The following GRAMD1A variants were observed in gnomAD, a reference collection of about 807,000 sequenced individuals.
GRAMD1A encodes the protein GRAM domain containing 1A, also known as protein Aster-A.
GRAMD1A carries 50 observed loss-of-function variants against 92.0 expected under a neutral mutation model. The ratio of observed to expected loss-of-function variants is 0.54; its 90% CI spans 0.43 to 0.69. The LOEUF is 0.69. GRAMD1A is among the 30% of genes least tolerant of loss of function. The pLI, the probability that GRAMD1A is intolerant of heterozygous loss-of-function variation, is 0.00. For synonymous variants in GRAMD1A, 405 were observed against 403.6 expected (o/e 1.00, Z -0.04); for missense variants, 819 against 978.9 (o/e 0.84, Z 2.18).
At chr19:35,018,297 G>T (rs1186734372) in intron 11 of GRAMD1A, among the ~76,000 whole-genome samples, 1 of 152,106 alleles carries the variant, frequency 6.6e-6, no homozygotes, top group Non-Finnish European at 1.5e-5. Flanking sequence ...GTGCCCGGCT[G>T]CCTCAGGGAG....
intron 1 of GRAMD1A, among the ~76,000 whole-genome samples, chr19:35,005,615 C>T (rs904336304): frequency 2.0e-5 from 3 of 152,086 alleles, no homozygotes; most frequent in Admixed American, 6.5e-5. Flanking sequence ...AGGGGAAAAG[C>T]AGTGGCCTGG....
At chr19:35,009,374 T>C (rs1047113655) in intron 2 of GRAMD1A, 45 bp downstream of exon 2, 34 of 1,613,878 alleles carry the variant, frequency 2.1e-5, no homozygotes, top group South Asian at 4.4e-5. Context: ...TAGTGGGGGC[T>C]GGCCGGTGAT....
chr19:35,026,171 A>G lies in GRAMD1A; in HGVS notation c.*30A>G, dbSNP rs2016422979. The G allele has an allele frequency of 1.3e-5, 14 of 1,053,998 alleles. No homozygotes were observed. Among genetic ancestry groups the G allele is most frequent in the Non-Finnish European group, 1.8e-5 (12 of 670,972 alleles). 65.3% of individuals were successfully genotyped at this position (1,053,998 alleles called of 1,614,324 possible). On this transcript the variant is annotated 3_prime_UTR_variant, in exon 20 of 20. Coordinates refer to ENST00000317991, the MANE Select transcript of GRAMD1A (RefSeq NM_020895.5). Reference sequence around the variant, plus strand: ...CCCGGCCACGCAGCTGTTCCCCCACATGGACAGATGGACACACAGAGCCTC... The same window carrying G: ...CCCGGCCACGCAGCTGTTCCCCCACGTGGACAGATGGACACACAGAGCCTC...
intron 7 of GRAMD1A, among the ~76,000 whole-genome samples, chr19:35,011,803 T>C (rs1486539858): frequency 2.0e-5 from 3 of 152,324 alleles, no homozygotes; most frequent in South Asian, 2.1e-4. Context: ...CTGAAGGACA[T>C]CCAGGTTCCA....
In GRAMD1A at chr19:35,023,344, G is replaced by A. The variant is rs1462829283; in HGVS notation, c.1961+1G>A. ...GGCACAGCCTGGCCCTGGCCAAGGG[G>A]TGAGTGGGTAGCCTGGGGAAATGGG... is the stretch of plus-strand genomic sequence containing the variant. On this transcript the variant is annotated splice_donor_variant, in intron 18 of 19. Coordinates refer to ENST00000317991, the MANE Select transcript of GRAMD1A (RefSeq NM_020895.5). LOFTEE classifies it high-confidence loss of function. The A allele has an allele frequency of 6.2e-7, 1 of 1,614,058 alleles. No homozygotes were observed. Among genetic ancestry groups the A allele is most frequent in the East Asian group, 2.2e-5 (1 of 44,886 alleles).
Position 35,014,637 on chromosome 19 carries a change from C to T in GRAMD1A, c.1069+250C>T, listed in dbSNP as rs928847386. 5.6e-5 allele frequency: 31 copies of T among 554,788 alleles called. 1 individual carries two copies. Among genetic ancestry groups the T allele is most frequent in the South Asian group, 2.6e-4 (12 of 46,898 alleles). The allele number at this position is 554,788 out of a possible 1,614,324, so 34.4% of individuals were successfully genotyped here. ...GTCACACCACTTCCTGACCATGTCA[C>T]GTGGGCAAATTATGTAACTTCTCTG... On this transcript the variant is annotated intron_variant, in intron 10 of 19. Coordinates refer to ENST00000317991, the MANE Select transcript of GRAMD1A (RefSeq NM_020895.5).
At chr19:34,996,408 G>A (rs2151691842), upstream of GRAMD1A, 1 of 798,242 alleles carries the variant, frequency 1.3e-6, no homozygotes. Context: ...CCCACAGAGG[G>A]CTGACTCAAA....
chr19:35,019,496 T>C lies in GRAMD1A; in HGVS notation c.1438T>C (p.Cys480Arg), dbSNP rs2015891164. Residue 480 changes from cysteine (C) to arginine (R), a missense_variant, in exon 13 of 20, where the codon TGC becomes CGC. Physicochemically the swap from Cys to Arg is radical, Grantham distance 180. Around this residue, in one of 3 missense-constraint regions of GRAMD1A, gnomAD observed 577 missense variants for 674.6 expected, o/e 0.86. Coordinates refer to ENST00000317991, the MANE Select transcript of GRAMD1A (RefSeq NM_020895.5). ...CTACTTCTACACTGCCCACCGCTAC[T>C]GCATCCTGGGTCTGGCCCGGAACAA... ...QDYFYTAHRYCILGLARNKAR... is the reference protein window; with the variant it reads ...QDYFYTAHRYRILGLARNKAR... The C allele has an allele frequency of 8.7e-6, 14 of 1,614,062 alleles. No individual in the cohort carries two copies. Among genetic ancestry groups the C allele is most frequent in the Non-Finnish European group, 1.2e-5 (14 of 1,179,958 alleles).
intron 11 of GRAMD1A, among the ~76,000 whole-genome samples, chr19:35,018,674 G>A (rs1248756337): frequency 6.6e-6 from 1 of 152,202 alleles, no homozygotes; most frequent in Non-Finnish European, 1.5e-5. Flanking sequence ...AGGGAAGGCT[G>A]GCAGGGGCAC....
intron 7 of GRAMD1A, chr19:35,012,976 A>G: frequency 1.0e-5 from 4 of 384,456 alleles, no homozygotes; most frequent in Non-Finnish European, 9.7e-6. Context: ...CTCCATCTCC[A>G]AAAAACAAAC....
At chr19:35,018,275 G>A (rs1018870808) in intron 11 of GRAMD1A, among the ~76,000 whole-genome samples, 4 of 152,166 alleles carry the variant, frequency 2.6e-5, no homozygotes, top group Admixed American at 1.3e-4. Context: ...GGGATTACAG[G>A]CGTGAGCCAC....
chr19:35,005,320 AG>A (rs1388621241), intron 1 of GRAMD1A, among the ~76,000 whole-genome samples: 1 of 136,622 alleles, frequency 7.3e-6, no homozygotes, highest in African/African-American at 2.8e-5. Flanking sequence ...GAGGCGGGGT[AG>A]GGGGTGTTAA....
Position 35,000,573 on chromosome 19 carries a change from C to T in GRAMD1A, c.8+87C>T. ...GGGCGCCGCGGGCTTGGGGAGGGGG[C>T]GGAGCGGCCGCTGCAGAGGTCGGGG... is the stretch of plus-strand genomic sequence containing the variant. On this transcript the variant is annotated intron_variant, in intron 1 of 19. Transcript: ENST00000317991. This position sits in a 1 kb window ranked among gnomAD's most constrained non-coding sequence, Gnocchi z 4.9. 5 of 845,840 alleles carry T rather than the reference C, an allele frequency of 5.9e-6. No homozygotes were observed. In the South Asian group the frequency reaches 1.4e-4, roughly 24 times the overall value. 52.4% of individuals were successfully genotyped at this position (845,840 alleles called of 1,614,324 possible).
chr19:34,995,576 T>TG (rs2013997331), upstream of GRAMD1A, among the ~76,000 whole-genome samples: 3 of 104,610 alleles, frequency 2.9e-5, no homozygotes, highest in African/African-American at 6.9e-5. Flanking sequence ...CACGGGTTTT[T>TG]TTTTTTTTTT....
At chr19:34,996,836 A>G (rs1274644815), upstream of GRAMD1A, among the ~76,000 whole-genome samples, 10 of 150,530 alleles carry the variant, frequency 6.6e-5, no homozygotes, top group African/African-American at 2.4e-4. Context: ...GGATGGGTGG[A>G]GAGGGACCCC....
At chr19:35,001,347 A>T (rs1208382361) in intron 1 of GRAMD1A, 2 of 152,430 alleles carry the variant, frequency 1.3e-5, no homozygotes, top group African/African-American at 4.8e-5. Context: ...GTGCAAATAT[A>T]AATTACCCCT....
intron 11 of GRAMD1A, among the ~76,000 whole-genome samples, chr19:35,016,259 C>T (rs1273005310): frequency 6.6e-6 from 1 of 152,094 alleles, no homozygotes; most frequent in African/African-American, 2.4e-5. Context: ...AGAAAAGTTC[C>T]TAGAGCAATA....
In GRAMD1A at chr19:35,021,937, C is replaced by T. The variant is rs1235724698; in HGVS notation, c.1754-14C>T. ...CTGGACTGGGCCATCTGACTCCAAGCTGCTCTCCTGCAGGCTCCCTCAGCT... is the reference window on the plus strand; with the variant it reads ...CTGGACTGGGCCATCTGACTCCAAGTTGCTCTCCTGCAGGCTCCCTCAGCT... On this transcript the variant is annotated splice_polypyrimidine_tract_variant and intron_variant, in intron 15 of 19. Coordinates refer to ENST00000317991, the MANE Select transcript of GRAMD1A (RefSeq NM_020895.5). This position sits in a 1 kb window ranked among gnomAD's most constrained non-coding sequence, Gnocchi z 5.3. 1 of 1,613,568 alleles carries T rather than the reference C, an allele frequency of 6.2e-7. No homozygotes were observed. The highest frequency in any genetic ancestry group is 8.5e-7 in the Non-Finnish European group (1 of 1,179,696).
chr19:35,026,080 G>T lies in GRAMD1A; in HGVS notation c.2114G>T (p.Gly705Val), dbSNP rs1159058837. ...TTCTCGCTGGAGAAGCTGCACCAAGGCATCACAGTCTCAGACCCTCCCTTT... is the reference window on the plus strand; with the variant it reads ...TTCTCGCTGGAGAAGCTGCACCAAGTCATCACAGTCTCAGACCCTCCCTTT... ...MKFSLEKLHQ[G>V]ITVSDPPFDT... is the part of the protein sequence containing the mutation. The change falls in exon 20 of 20, where the codon GGC (glycine) becomes GTC (valine). Residue 705 changes from glycine to valine, a missense_variant. Around this residue, in one of 3 missense-constraint regions of GRAMD1A, gnomAD observed 577 missense variants for 674.6 expected, o/e 0.86. Transcript: ENST00000317991. The T allele has an allele frequency of 3.7e-6, 6 of 1,606,420 alleles. No homozygotes were observed. The East Asian group carries it at 8.9e-5, about 24-fold the overall frequency.
Sources: gnomAD v4.1 joint callset for allele counts (sites outside exome capture counted in the v4.1 genomes callset) on GRCh38, gnomAD v4.1.1 for gene constraint, gnomAD v4.1.1 regional missense constraint, Gnocchi (gnomAD v3.1) non-coding constraint, MANE v1.5 for transcripts, NCBI Gene and HGNC (gene_info 2026-07-23, HGNC 2026-07-21) for gene names.